The following ARL10 variants were observed in gnomAD, a reference collection of about 807,000 sequenced individuals.
The protein encoded by ARL10 is ARF like GTPase 10.
ARL10 carries 23 observed loss-of-function variants against 26.1 expected under a neutral mutation model. The observed-to-expected ratio is 0.88, with a 90% CI of 0.63 to 1.25. The LOEUF (loss-of-function observed/expected upper bound fraction) is 1.25, where lower values mean the gene tolerates loss of function less well. Ranked by LOEUF, ARL10 falls within the 50% of genes most tolerant of loss-of-function variation. ARL10 has a pLI of 0.00. For missense variants in ARL10, 300 were observed against 323.6 expected, an observed-to-expected ratio of 0.93 and a Z score of 0.56; for synonymous variants, 138 against 149.1, an observed-to-expected ratio of 0.93 and a Z score of 0.54.
At chr5:176,382,734 C>T (rs1194340368), downstream of ARL10, among the ~76,000 whole-genome samples, 1 of 152,152 alleles carries the variant, frequency 6.6e-6, no homozygotes, top group Non-Finnish European at 1.5e-5. Context: ...GCACTCCAGC[C>T]TGGGATACAA....
At chr5:176,393,031 T>C, downstream of ARL10, 1 of 1,447,982 alleles carries the variant, frequency 6.9e-7, no homozygotes. The surrounding 1 kb of genome is among the most constrained non-coding windows in gnomAD (Gnocchi z 4.4). Context: ...CCCAGCCTAC[T>C]CTGGGGCACT....
Position 176,376,882 on chromosome 5 carries a change from C to G in ARL10, c.*4987C>G, listed in dbSNP as rs1561776685. 6.6e-6 allele frequency: 1 copy of G among 152,156 alleles called. No individual in the cohort carries two copies. The highest frequency in any genetic ancestry group is 1.5e-5 in the Non-Finnish European group (1 of 68,028). 9.4% of individuals were successfully genotyped at this position (152,156 alleles called of 1,614,324 possible). On this transcript the variant is annotated 3_prime_UTR_variant, in exon 4 of 4. Transcript: ENST00000310389. The stretch of plus-strand genomic sequence containing the variant: ...TCTCTTTCTGTGAGGTTTAAGGGCA[C>G]TTTTTCTCTGATACCATCTCCAGAA...
downstream of ARL10, chr5:176,389,203 G>A: frequency 1.3e-5 from 16 of 1,213,504 alleles, no homozygotes; most frequent in Non-Finnish European, 1.9e-5. Context: ...ACCTCGACTC[G>A]ACCTACCCTC....
rs184433885 is a variant in ARL10 at position 176,398,110 on chromosome 5, C to T, written c.134-3631C>T. 3 of 1,469,484 alleles carry T rather than the reference C, an allele frequency of 2.0e-6. No homozygotes were observed. The Admixed American group carries it at 5.0e-5, about 25-fold the overall frequency. The allele number at this position is 1,469,484 out of a possible 1,614,324, so 91.0% of individuals were successfully genotyped here. A position where few individuals can be genotyped will look rare whatever the true frequency, so the allele number is the denominator to read the frequency against. On this transcript the variant is annotated intron_variant, in intron 1 of 1. Coordinates refer to the ARL10 transcript ENST00000514533. ...CACCTGCCCCGCTGTCTCTGCTGCC[C>T]CTGCTGGGGACCCACTCATGTCTGG...
At position 176,373,297 on chromosome 5, in the gene ARL10, A is replaced by G. The variant is rs985604901; in HGVS notation, c.*1402A>G. 3 of 364,866 alleles carry G rather than the reference A, an allele frequency of 8.2e-6. No homozygotes were observed. Among genetic ancestry groups the G allele is most frequent in the Non-Finnish European group, 9.7e-6 (2 of 205,194 alleles). 22.6% of individuals were successfully genotyped at this position (364,866 alleles called of 1,614,324 possible). A position where few individuals can be genotyped will look rare whatever the true frequency, so the allele number is the denominator to read the frequency against. The stretch of plus-strand genomic sequence containing the variant: ...TGGAGTTCTCATCAGTGCACATTCC[A>G]TAGTTCTCCAGTGCTTGGCGATCAG... On this transcript the variant is annotated 3_prime_UTR_variant, in exon 4 of 4. Coordinates refer to ENST00000310389, the MANE Select transcript of ARL10 (RefSeq NM_173664.6).
At chr5:176,371,369 C>T (rs1581394978) in intron 3 of ARL10, among the ~76,000 whole-genome samples, 1 of 152,254 alleles carries the variant, frequency 6.6e-6, no homozygotes, top group Non-Finnish European at 1.5e-5. Context: ...GGTGACAGAG[C>T]AAAACTCCGT....
chr5:176,411,992 C>T, the ARL10 span, among the ~76,000 whole-genome samples: 72 of 151,926 alleles, frequency 4.7e-4, no homozygotes, highest in South Asian at 7.1e-3. Context: ...CTGGCTAACA[C>T]GGTGAAACCC....
downstream of ARL10, chr5:176,385,412 C>T: frequency 1.2e-6 from 1 of 812,328 alleles, no homozygotes; most frequent in Non-Finnish European, 2.1e-6. Flanking sequence ...CCTTCACCCA[C>T]TCCCAAGCCA....
intron 1 of ARL10, among the ~76,000 whole-genome samples, chr5:176,396,885 C>T (rs1023918327): frequency 6.6e-6 from 1 of 152,112 alleles, no homozygotes; most frequent in Non-Finnish European, 1.5e-5. Context: ...CTCCCTGGCC[C>T]CCTGTTGCCT....
chr5:176,383,255 G>C (rs530011467), downstream of ARL10, among the ~76,000 whole-genome samples: 9 of 152,206 alleles, frequency 5.9e-5, no homozygotes, highest in African/African-American at 2.2e-4. Flanking sequence ...GAGAACGAGC[G>C]ACAAGAGACA....
At chr5:176,388,308 G>A in exon 2 of ARL10, 2 of 1,614,206 alleles carry the variant, frequency 1.2e-6, no homozygotes, top group South Asian at 1.1e-5. Flanking sequence ...CTGCCGTACC[G>A]ATTTAGCGTG....
At chr5:176,413,925 C>T in the ARL10 span, among the ~76,000 whole-genome samples, 21 of 152,292 alleles carry the variant, frequency 1.4e-4, no homozygotes, top group Admixed American at 8.5e-4. Flanking sequence ...AAGAAGCGAG[C>T]GTGTCATTGT....
chr5:176,401,899 G>A (rs936896994), downstream of ARL10: 8 of 389,356 alleles, frequency 2.1e-5, no homozygotes, highest in East Asian at 7.3e-5. Flanking sequence ...TGCCCTCACC[G>A]CCCCTGGCCT....
chr5:176,410,770 G>T, the ARL10 span, among the ~76,000 whole-genome samples: 1 of 117,860 alleles, frequency 8.5e-6, no homozygotes, highest in African/African-American at 2.8e-5. Context: ...GTCTCTGCCT[G>T]TCCCTGAGGC....
At position 176,375,335 on chromosome 5, in the gene ARL10, T is replaced by TCCATCCATCCATC. The variant is rs56310724; in HGVS notation, c.*3441_*3442insCATCCATCCATCC. 4.9e-5 allele frequency: 2 copies of TCCATCCATCCATC among 40,690 alleles called. No individual in the cohort carries two copies. Among genetic ancestry groups the TCCATCCATCCATC allele is most frequent in the African/African-American group, 1.5e-4 (2 of 13,106 alleles). The allele number at this position is 40,690 out of a possible 1,614,324, so 2.5% of individuals were successfully genotyped here. ...ATCCATCCATCCATCCATCCATCCA[T>TCCATCCATCCATC]CATCCACCCATCCATCCATCCATCC... On this transcript the variant is annotated 3_prime_UTR_variant, in exon 4 of 4. Coordinates refer to ENST00000310389, the MANE Select transcript of ARL10 (RefSeq NM_173664.6).
downstream of ARL10, chr5:176,384,324 A>C (rs1255635175): frequency 6.2e-7 from 1 of 1,614,074 alleles, no homozygotes; most frequent in Admixed American, 1.7e-5. Context: ...TCTTACTCCG[A>C]ATCTGTTTTG....
At chr5:176,370,495 ACCT>A (rs1768497815) in intron 3 of ARL10, among the ~76,000 whole-genome samples, 1 of 151,986 alleles carries the variant, frequency 6.6e-6, no homozygotes, top group Non-Finnish European at 1.5e-5. Context: ...TATGTCTTCG[ACCT>A]CAGATTCCCC....
chr5:176,384,560 G>A (rs749411804), downstream of ARL10: 4 of 617,192 alleles, frequency 6.5e-6, no homozygotes, highest in Non-Finnish European at 1.1e-5. Context: ...GCCGAGGTGG[G>A]AGGATCTCTT....
chr5:176,409,022 G>A, the ARL10 span, among the ~76,000 whole-genome samples: 1 of 152,128 alleles, frequency 6.6e-6, no homozygotes, highest in Non-Finnish European at 1.5e-5. Context: ...TGTTGCCCAG[G>A]CTGGAGTGCA....
Sources: gnomAD v4.1 joint callset for allele counts (sites outside exome capture counted in the v4.1 genomes callset) on GRCh38, gnomAD v4.1.1 for gene constraint, Gnocchi (gnomAD v3.1) non-coding constraint, MANE v1.5 for transcripts, NCBI Gene and HGNC (gene_info 2026-07-23, HGNC 2026-07-21) for gene names.